The following HMX1 variants were observed in gnomAD, a reference collection of about 807,000 sequenced individuals.
HMX1 encodes the protein homeobox protein HMX1.
Under a neutral mutation model 8.9 loss-of-function variants are expected in HMX1, and 8 were observed. The ratio of observed to expected loss-of-function variants is 0.90; its 90% CI spans 0.53 to 1.63. HMX1 has a LOEUF of 1.63. Ranked by LOEUF, HMX1 falls within the 40% of genes most tolerant of loss-of-function variation. The probability of loss-of-function intolerance (pLI) is 0.00; values close to 1 mark genes in which losing one functional copy is unlikely to be tolerated. For missense variants in HMX1, 621 were observed against 558.5 expected (o/e 1.11, Z -1.13); for synonymous variants, 311 against 283.4 (o/e 1.10, Z -0.98).
In HMX1 at chr4:8,868,330, G is replaced by A; in HGVS notation, c.410C>T (p.Ser137Leu). The change falls in exon 2 of 2, where the codon TCA becomes TTA. Residue 137 changes from serine (S) to leucine (L), a missense_variant. Physicochemically the swap from Ser to Leu is moderately radical, Grantham distance 145. Coordinates refer to ENST00000400677, the MANE Select transcript of HMX1 (RefSeq NM_018942.3). The surrounding 1 kb of genome is among the most constrained non-coding windows in gnomAD (Gnocchi z 4.6). ...GLSPDTSDRD[S>L]PETGEEMGRA... ...GCCCATCTCCTCGCCCGTCTCCGGT[G>A]AGTCCCGGTCGCTGGCTGCAGGGGA... 1 of 1,410,508 alleles carries A rather than the reference G, an allele frequency of 7.1e-7. No individual in the cohort carries two copies. The highest frequency in any genetic ancestry group is 9.2e-7 in the Non-Finnish European group (1 of 1,090,026). The allele number at this position is 1,410,508 out of a possible 1,614,324, so 87.4% of individuals were successfully genotyped here.
chr4:8,863,383 C>T (rs1242997254), downstream of HMX1, among the ~76,000 whole-genome samples: 1 of 152,252 alleles, frequency 6.6e-6, no homozygotes, highest in South Asian at 2.1e-4. Context: ...CCTCTCCCGC[C>T]TCCCTGGTGC....
At chr4:8,855,015 C>T (rs1163285347) in intron 1 of HMX1, among the ~76,000 whole-genome samples, 1 of 152,240 alleles carries the variant, frequency 6.6e-6, no homozygotes, top group African/African-American at 2.4e-5. Flanking sequence ...CTGCTAAGTA[C>T]AGTGAGTCAC....
At position 8,849,940 on chromosome 4, in the gene HMX1, C is replaced by G. The variant is rs1451255684; in HGVS notation, c.395-3616G>C. ...GGGAGGGACACAGGTGGGCAGGTGA[C>G]AAAGGAAGTGGCCAAGGGTGTGTCC... On this transcript the variant is annotated intron_variant, in intron 1 of 1. Transcript: ENST00000506970. The surrounding 1 kb of genome is among the most constrained non-coding windows in gnomAD (Gnocchi z 6.6). Among the ~76,000 whole-genome samples, 1 of 152,192 alleles carries G rather than the reference C, an allele frequency of 6.6e-6. No individual in the cohort carries two copies.
In HMX1 at chr4:8,871,703, G is replaced by A. The variant is rs1417590167; in HGVS notation, c.-89C>T. The stretch of plus-strand genomic sequence containing the variant: ...GGCTCCCGGGCGCACGCGCGGGCCG[G>A]CCCTGGAGCTGCTACCCGGACCGCT... On this transcript the variant is annotated 5_prime_UTR_variant, in exon 1 of 2. Transcript: ENST00000400677. This position sits in a 1 kb window ranked among gnomAD's most constrained non-coding sequence, Gnocchi z 4.8. 1.3e-5 allele frequency: 14 copies of A among 1,104,298 alleles called. No individual in the cohort carries two copies. Among genetic ancestry groups the A allele is most frequent in the Non-Finnish European group, 1.1e-6 (1 of 906,874 alleles). The allele number at this position is 1,104,298 out of a possible 1,614,324, so 68.4% of individuals were successfully genotyped here. A position where few individuals can be genotyped will look rare whatever the true frequency, so the allele number is the denominator to read the frequency against.
In HMX1 at chr4:8,848,116, T is replaced by C. The variant is rs1721332041; in HGVS notation, c.395-1792A>G. On this transcript the variant is annotated intron_variant, in intron 1 of 1. Coordinates refer to the HMX1 transcript ENST00000506970. The surrounding 1 kb of genome is among the most constrained non-coding windows in gnomAD (Gnocchi z 4.1). ...TCTGCTTTTTCAACTGTAAATCTTATGATAGCTAAATTCAGATCAAGTATT... is the reference window on the plus strand; with the variant it reads ...TCTGCTTTTTCAACTGTAAATCTTACGATAGCTAAATTCAGATCAAGTATT... Among the ~76,000 whole-genome samples, 1 of 152,222 alleles carries C rather than the reference T, an allele frequency of 6.6e-6. No homozygotes were observed. The highest frequency in any genetic ancestry group is 1.5e-5 in the Non-Finnish European group (1 of 68,034).
At chr4:8,859,599 C>T (rs1306872937) in intron 1 of HMX1, among the ~76,000 whole-genome samples, 2 of 152,178 alleles carry the variant, frequency 1.3e-5, no homozygotes, top group Non-Finnish European at 2.9e-5. Flanking sequence ...CTCCCCCACT[C>T]ACCCAGACCA....
rs1721503679 is a variant in HMX1, at chr4:8,853,101, C to G, written c.395-6777G>C. Among the ~76,000 whole-genome samples, 1 of 152,222 alleles carries G rather than the reference C, an allele frequency of 6.6e-6. No individual in the cohort carries two copies. The highest frequency in any genetic ancestry group is 1.5e-5 in the Non-Finnish European group (1 of 68,042). On this transcript the variant is annotated intron_variant, in intron 1 of 1. Coordinates refer to the HMX1 transcript ENST00000506970. This position sits in a 1 kb window ranked among gnomAD's most constrained non-coding sequence, Gnocchi z 4.7. ...GTCAGCAGCCAAACACAGATTCTGA[C>G]TGGCCCAGTTTACAAGAGCCTCCTG...
intron 1 of HMX1, chr4:8,846,443 T>C (rs1411024262): frequency 2.7e-6 from 2 of 741,552 alleles, no homozygotes; most frequent in African/African-American, 1.8e-5. Context: ...GCTCACAGAG[T>C]GGTCTCCAAA....
Position 8,857,537 on chromosome 4 carries a change from G to A in HMX1, c.395-11213C>T, listed in dbSNP as rs1179422008. Among the ~76,000 whole-genome samples the A allele has an allele frequency of 2.0e-5, 3 of 152,270 alleles. No homozygotes were observed. The East Asian group carries it at 5.8e-4, about 29-fold the overall frequency. The stretch of plus-strand genomic sequence containing the variant: ...CGGCCCAGCTTCTCTCGGAAGTGAC[G>A]GCTGACCTAGAGCCCATCCCTGGCC... On this transcript the variant is annotated intron_variant, in intron 1 of 1. Transcript: ENST00000506970.
chr4:8,866,416 C>G (rs1252952059), downstream of HMX1, among the ~76,000 whole-genome samples: 2 of 152,262 alleles, frequency 1.3e-5, no homozygotes, highest in Non-Finnish European at 2.9e-5. Context: ...GAAACACACA[C>G]CAAATACTGT....
intron 1 of HMX1, among the ~76,000 whole-genome samples, chr4:8,859,631 C>T (rs1393103637): frequency 2.0e-5 from 3 of 152,212 alleles, no homozygotes; most frequent in African/African-American, 4.8e-5. Flanking sequence ...GGCTCAGCAT[C>T]CTCATCTCCT....
In HMX1 at chr4:8,871,725, C is replaced by A. The variant is rs915515695; in HGVS notation, c.-111G>T. ...CCGGCCCTGGAGCTGCTACCCGGAC[C>A]GCTGGCGTCGGGCCCCGCAGGGCAG... On this transcript the variant is annotated 5_prime_UTR_variant, in exon 1 of 2. Coordinates refer to ENST00000400677, the MANE Select transcript of HMX1 (RefSeq NM_018942.3). The surrounding 1 kb of genome is among the most constrained non-coding windows in gnomAD (Gnocchi z 4.8). 2 of 1,047,872 alleles carry A rather than the reference C, an allele frequency of 1.9e-6. No homozygotes were observed. The highest frequency in any genetic ancestry group is 5.5e-5 in the Admixed American group (1 of 18,060). 64.9% of individuals were successfully genotyped at this position (1,047,872 alleles called of 1,614,324 possible).
intron 1 of HMX1, among the ~76,000 whole-genome samples, chr4:8,854,058 A>G (rs999268653): frequency 6.6e-6 from 1 of 152,150 alleles, no homozygotes; most frequent in African/African-American, 2.4e-5. Context: ...ATGGTGTGCG[A>G]GAAACAGCTG....
Position 8,868,817 on chromosome 4 carries a change from C to A in HMX1, c.395-472G>T, listed in dbSNP as rs1030992228. 1.3e-5 allele frequency among the ~76,000 whole-genome samples: 2 copies of A among 152,142 alleles called. No individual in the cohort carries two copies. Among genetic ancestry groups the A allele is most frequent in the Non-Finnish European group, 2.9e-5 (2 of 68,036 alleles). On this transcript the variant is annotated intron_variant, in intron 1 of 1. Transcript: ENST00000400677. This position sits in a 1 kb window ranked among gnomAD's most constrained non-coding sequence, Gnocchi z 4.6. ...CACCGAAAAACAAGCACAGGACACCCCCTGCCACCTGGCATCCAGCCCCAC... is the reference window on the plus strand; with the variant it reads ...CACCGAAAAACAAGCACAGGACACCACCTGCCACCTGGCATCCAGCCCCAC...
intron 1 of HMX1, among the ~76,000 whole-genome samples, chr4:8,861,702 C>G (rs950051038): frequency 6.7e-6 from 1 of 149,252 alleles, no homozygotes; most frequent in African/African-American, 2.6e-5. Flanking sequence ...CAGCTCTGGC[C>G]TGGGGCGCCG....
chr4:8,854,950 A>G (rs1721563789), intron 1 of HMX1, among the ~76,000 whole-genome samples: 1 of 152,246 alleles, frequency 6.6e-6, no homozygotes, highest in African/African-American at 2.4e-5. Context: ...GCACATGAGA[A>G]GCACTCAACT....
In HMX1 at chr4:8,870,447, G is replaced by T. The variant is rs1413658071; in HGVS notation, c.394+774C>A. On this transcript the variant is annotated intron_variant, in intron 1 of 1. Coordinates refer to ENST00000400677, the MANE Select transcript of HMX1 (RefSeq NM_018942.3). The surrounding 1 kb of genome is among the most constrained non-coding windows in gnomAD (Gnocchi z 4.4). Reference sequence around the variant, plus strand: ...CTCAAGCCCTCAGCAGGGAACAAAGGCAAGGAGGGGGAGGGGCAGAAAAAG... The same window carrying T: ...CTCAAGCCCTCAGCAGGGAACAAAGTCAAGGAGGGGGAGGGGCAGAAAAAG... 6.6e-6 allele frequency among the ~76,000 whole-genome samples: 1 copy of T among 152,070 alleles called. No homozygotes were observed.
chr4:8,853,048 G>A lies in HMX1; in HGVS notation c.395-6724C>T, dbSNP rs146954892. Among the ~76,000 whole-genome samples the A allele has an allele frequency of 0.02, 3,072 of 151,848 alleles. 77 individuals carry two copies. Among genetic ancestry groups the A allele is most frequent in the South Asian group, 0.079 (378 of 4,802 alleles). ...TTCCTGGCCACACTAGCCCTGGGCT[G>A]CCCACCTCCCACTGTGGTCAGTGCC... On this transcript the variant is annotated intron_variant, in intron 1 of 1. Transcript: ENST00000506970. This position sits in a 1 kb window ranked among gnomAD's most constrained non-coding sequence, Gnocchi z 4.7.
chr4:8,855,012 G>GCA (rs1440897068), intron 1 of HMX1, among the ~76,000 whole-genome samples: 2 of 152,220 alleles, frequency 1.3e-5, no homozygotes, highest in East Asian at 3.9e-4. Flanking sequence ...GTCCTGCTAA[G>GCA]TACAGTGAGT....
Sources: allele counts gnomAD v4.1 joint callset (sites outside exome capture counted in the v4.1 genomes callset), GRCh38; gene constraint gnomAD v4.1.1; non-coding constraint Gnocchi (gnomAD v3.1); transcripts MANE v1.5; gene names NCBI Gene and HGNC (gene_info 2026-07-23, HGNC 2026-07-21).